Variants in CD177 observed in about 807,000 individuals in gnomAD.
CD177 encodes CD177 antigen.
A neutral mutation model predicts 38.1 loss-of-function variants in CD177; 41 were observed. That is an observed-to-expected ratio of 1.07 (90% CI 0.84 to 1.39). CD177 has a LOEUF of 1.39. CD177 is among the 40% of genes most tolerant of loss of function. The pLI is 0.00. For missense variants in CD177, 619 were observed against 523.8 expected, an observed-to-expected ratio of 1.18 and a Z score of -1.77; for synonymous variants, 236 against 216.7, an observed-to-expected ratio of 1.09 and a Z score of -0.78.
rs371380583 is a variant in CD177, at chr19:43,354,258, A to C, written c.245A>C (p.Gln82Pro). ...AAGGGCTGCACGGAGGCCAAGGACC[A>C]GGAGCCCCGCGTCACTGAGCACCGG... is the stretch of plus-strand genomic sequence containing the variant. The part of the protein sequence containing the change: ...LSKGCTEAKD[Q>P]EPRVTEHRMG... Residue 82 changes from glutamine to proline, a missense_variant, in exon 3 of 9, where the codon CAG becomes CCG. Gln to Pro is a moderately conservative substitution (Grantham distance 76). Coordinates refer to ENST00000618265, the MANE Select transcript of CD177 (RefSeq NM_020406.4). 6.2e-7 allele frequency: 1 copy of C among 1,613,876 alleles called. No homozygotes were observed. The highest frequency in any genetic ancestry group is 8.5e-7 in the Non-Finnish European group (1 of 1,179,848).
downstream of CD177, among the ~76,000 whole-genome samples, chr19:43,364,492 G>T (rs1599880958): frequency 1.3e-5 from 2 of 151,796 alleles, no homozygotes; most frequent in South Asian, 4.2e-4. Flanking sequence ...TGAGTTGCCT[G>T]CCTTCGAAAA....
chr19:43,355,422 T>G, intron 3 of CD177: 1 of 493,040 alleles, frequency 2.0e-6, no homozygotes, highest in South Asian at 1.6e-5. Flanking sequence ...AAGACCACTT[T>G]CTGTACCCAG....
At chr19:43,361,615 A>G (rs372911688) in intron 8 of CD177, 36 bp downstream of exon 8, 82 of 1,549,344 alleles carry the variant, frequency 5.3e-5, no homozygotes, top group African/African-American at 2.6e-4. Context: ...GGATGAAGGC[A>G]CTGGTGGCCT....
At chr19:43,364,332 T>C (rs547495718), downstream of CD177, among the ~76,000 whole-genome samples, 3,592 of 139,594 alleles carry the variant, frequency 0.026, 92 homozygotes, top group African/African-American at 0.086. Flanking sequence ...GTCTTCCCAC[T>C]TCCAAAACCT....
At chr19:43,360,029 G>C (rs1360199384) in intron 5 of CD177, among the ~76,000 whole-genome samples, 3 of 151,894 alleles carry the variant, frequency 2.0e-5, no homozygotes, top group Non-Finnish European at 4.4e-5. Context: ...AGCAAGGAAC[G>C]GCCGTTCCCC....
intron 5 of CD177, among the ~76,000 whole-genome samples, chr19:43,360,051 G>C (rs1342585345): frequency 6.6e-6 from 1 of 151,922 alleles, no homozygotes; most frequent in Non-Finnish European, 1.5e-5. Context: ...AGGGCTGTGA[G>C]AGGACGTCCC....
chr19:43,365,741 A>C (rs1970021076), downstream of CD177, among the ~76,000 whole-genome samples: 1 of 150,592 alleles, frequency 6.6e-6, no homozygotes, highest in Non-Finnish European at 1.5e-5. Flanking sequence ...CCCATCCATA[A>C]GCCTGGTCTG....
In CD177 at chr19:43,355,633, C is replaced by T. The variant is rs375328813; in HGVS notation, c.380-28C>T. The T allele has an allele frequency of 6.2e-6, 10 of 1,611,846 alleles. No homozygotes were observed. In the African/African-American group the frequency reaches 1.2e-4, roughly 19 times the overall value. On this transcript the variant is annotated intron_variant, in intron 3 of 8. Transcript: ENST00000618265. Reference sequence around the variant, plus strand: ...ATCAAATCCAGTGCCCTCTCAGTGCCCCCTCACTCTGTCTGTCACTTTCCT... The same window carrying T: ...ATCAAATCCAGTGCCCTCTCAGTGCTCCCTCACTCTGTCTGTCACTTTCCT...
Position 43,361,162 on chromosome 19 carries a change from G to A in CD177, c.780G>A (p.Val260=). 1 of 1,535,318 alleles carries A rather than the reference G, an allele frequency of 6.5e-7. No homozygotes were observed. The highest frequency in any genetic ancestry group is 9.0e-7 in the Non-Finnish European group (1 of 1,110,780). The change falls in exon 7 of 9, where the codon GTG becomes GTA. Residue 260 remains valine, a synonymous_variant. Coordinates refer to ENST00000618265, the MANE Select transcript of CD177 (RefSeq NM_020406.4). ...CCTCAGGACTCACATCAACCCTGGT[G>A]GGGACAAAAGGCTGCAGCACTGTTG... ...LLDVGLTSTL[V]GTKGCSTVGA...
At chr19:43,364,042 A>G (rs1970009183), downstream of CD177, among the ~76,000 whole-genome samples, 1 of 152,218 alleles carries the variant, frequency 6.6e-6, no homozygotes, top group Admixed American at 6.5e-5. Context: ...AGACTGCACC[A>G]CTGCACTCCA....
rs770461969 is a variant in CD177 at position 43,354,316 on chromosome 19, C to A, written c.303C>A (p.Thr101=). ...MGPGLSLISY[T]FVCRQEDFCN... ...CCGGCCTCTCCCTGATCTCCTACAC[C>A]TTCGTGTGCCGCCAGGAGGACTTCT... Residue 101 remains threonine, a synonymous_variant, in exon 3 of 9, where the codon ACC becomes ACA. Coordinates refer to ENST00000618265, the MANE Select transcript of CD177 (RefSeq NM_020406.4). 2 of 1,613,968 alleles carry A rather than the reference C, an allele frequency of 1.2e-6. No homozygotes were observed. Among genetic ancestry groups the A allele is most frequent in the Non-Finnish European group, 1.7e-6 (2 of 1,179,880 alleles).
At chr19:43,365,356 G>A (rs1454040645), downstream of CD177, among the ~76,000 whole-genome samples, 1 of 121,348 alleles carries the variant, frequency 8.2e-6, no homozygotes, top group Non-Finnish European at 1.8e-5. Context: ...GTGGCCATCT[G>A]CACCTGGACC....
intron 3 of CD177, among the ~76,000 whole-genome samples, chr19:43,355,113 T>C (rs1286735549): frequency 5.7e-5 from 6 of 106,152 alleles, no homozygotes; most frequent in African/African-American, 2.4e-4. Context: ...TCTTTTTTTT[T>C]TTTTTTTTTT....
intron 3 of CD177, among the ~76,000 whole-genome samples, chr19:43,355,271 G>T (rs574315501): frequency 1.3e-5 from 2 of 150,910 alleles, no homozygotes; most frequent in Non-Finnish European, 3.0e-5. Flanking sequence ...CTGCCACCAC[G>T]CCCGGCTAAT....
At position 43,354,188 on chromosome 19, in the gene CD177, C is replaced by A; in HGVS notation, c.194-19C>A. The A allele has an allele frequency of 6.2e-7, 1 of 1,606,742 alleles. No homozygotes were observed. Among genetic ancestry groups the A allele is most frequent in the Non-Finnish European group, 8.5e-7 (1 of 1,176,878 alleles). On this transcript the variant is annotated intron_variant, in intron 2 of 8. Coordinates refer to ENST00000618265, the MANE Select transcript of CD177 (RefSeq NM_020406.4). ...GAGGCCTGACCTCCATCCTCGCTTG[C>A]CTCCCTCTTTCGGTCCAGGACCCCA...
In CD177 at chr19:43,360,350, C is replaced by T. The variant is rs748191694; in HGVS notation, c.705C>T (p.Thr235=). The change falls in exon 6 of 9, where the codon ACC becomes ACT. Residue 235 remains threonine (T), a synonymous_variant. Transcript: ENST00000618265. ...QEPTDWTTSN[T]EMCEVGQVCQ... is the part of the protein sequence containing the mutation. Reference sequence around the variant, plus strand: ...CCACTGATTGGACCACATCGAATACCGAGATGTGCGAGGTGGGGCAGGTGT... The same window carrying T: ...CCACTGATTGGACCACATCGAATACTGAGATGTGCGAGGTGGGGCAGGTGT... 19 of 1,610,790 alleles carry T rather than the reference C, an allele frequency of 1.2e-5. No individual in the cohort carries two copies. The highest frequency in any genetic ancestry group is 1.7e-5 in the Admixed American group (1 of 59,566).
At chr19:43,355,940 G>A (rs1969923043) in intron 4 of CD177, 52 bp from the exon 5 acceptor site, 2 of 910,522 alleles carry the variant, frequency 2.2e-6, no homozygotes, top group African/African-American at 1.6e-5. Flanking sequence ...CTGAGGGTTG[G>A]GTGGTCCTGG....
chr19:43,354,086 G>C (rs1190451979), intron 2 of CD177, 93 bp downstream of exon 2: 30 of 1,564,280 alleles, frequency 1.9e-5, no homozygotes, highest in Non-Finnish European at 2.5e-5. Context: ...CCGGGGGATC[G>C]ACTCCTAGGG....
At position 43,361,531 on chromosome 19, in the gene CD177, C is replaced by T. The variant is rs1490387939; in HGVS notation, c.1033C>T (p.Pro345Ser). The T allele has an allele frequency of 1.3e-6, 2 of 1,588,676 alleles. No individual in the cohort carries two copies. Among genetic ancestry groups the T allele is most frequent in the African/African-American group, 1.4e-5 (1 of 73,752 alleles). ...CSSGSPRMTCPRGATHCYDGY... is the reference protein window; with the variant it reads ...CSSGSPRMTCSRGATHCYDGY... ...AAGTGGCTCCCCCCGAATGACCTGCCCCAGGGGCGCCACTCATTGTTATGA... is the reference window on the plus strand; with the variant it reads ...AAGTGGCTCCCCCCGAATGACCTGCTCCAGGGGCGCCACTCATTGTTATGA... Residue 345 changes from proline (P) to serine (S), a missense_variant, in exon 8 of 9, where the codon CCC becomes TCC. Coordinates refer to ENST00000618265, the MANE Select transcript of CD177 (RefSeq NM_020406.4).
Sources: gnomAD v4.1 joint callset for allele counts (sites outside exome capture counted in the v4.1 genomes callset) on GRCh38, gnomAD v4.1.1 for gene constraint, MANE v1.5 for transcripts, NCBI Gene and HGNC (gene_info 2026-07-23, HGNC 2026-07-21) for gene names.